Variants in PIEZO2 observed in about 807,000 individuals in gnomAD.
PIEZO2 encodes the protein piezo-type mechanosensitive ion channel component 2.
A neutral mutation model predicts 337.3 loss-of-function variants in PIEZO2; 172 were observed. The ratio of observed to expected loss-of-function variants is 0.51; its 90% CI spans 0.45 to 0.58. PIEZO2 has a LOEUF of 0.58. PIEZO2 is among the 20% of genes least tolerant of loss of function. The pLI is 0.00. For synonymous variants in PIEZO2, 1,251 were observed against 1,228.5 expected (o/e 1.02, Z -0.38); for missense variants, 3,028 against 3,391.3 (o/e 0.89, Z 2.66).
rs748674381 is a variant in PIEZO2 at position 10,705,720 on chromosome 18, T to C, written c.5615A>G (p.Tyr1872Cys). The C allele has an allele frequency of 6.5e-7, 1 of 1,533,806 alleles. No homozygotes were observed. Among genetic ancestry groups the C allele is most frequent in the South Asian group, 1.2e-5 (1 of 83,884 alleles). The change falls in exon 41 of 56, where the codon TAC (tyrosine) becomes TGC (cysteine). Residue 1872 changes from tyrosine (Y) to cysteine (C), a missense_variant. Transcript: ENST00000674853. ...GGTCTCAGTGGTCCCCTGGCGTGAG[T>C]ACAGCATGGTACACTGCGTGGGCTC... is the stretch of plus-strand genomic sequence containing the variant. ...SSEPTQCTML[Y>C]SRQGTTETIE...
rs758308799 is a variant in PIEZO2 at position 11,077,528 on chromosome 18, G to T, written c.65-11306C>A. ...ACACAAAAAAAGAAAAAACTAGCTG[G>T]GCATGGTGGTGCATGCCTATAGTCC... On this transcript the variant is annotated intron_variant, in intron 1 of 55. Coordinates refer to ENST00000674853, the MANE Select transcript of PIEZO2 (RefSeq NM_001378183.1). The surrounding 1 kb of genome is among the most constrained non-coding windows in gnomAD (Gnocchi z 4.8). 1.3e-5 allele frequency among the ~76,000 whole-genome samples: 2 copies of T among 152,102 alleles called. No homozygotes were observed. Among genetic ancestry groups the T allele is most frequent in the Non-Finnish European group, 2.9e-5 (2 of 68,032 alleles).
rs369583562 is a variant in PIEZO2 at position 11,023,029 on chromosome 18, T to G, written c.160+43098A>C. On this transcript the variant is annotated intron_variant, in intron 2 of 55. Coordinates refer to ENST00000674853, the MANE Select transcript of PIEZO2 (RefSeq NM_001378183.1). ...TTGTTCATTCCTCCCAGTGGGTTCG[T>G]GGTCTCGTTGGCTTCAGGAGTGAAG... is the stretch of plus-strand genomic sequence containing the variant. 1.8e-4 allele frequency among the ~76,000 whole-genome samples: 28 copies of G among 152,222 alleles called. No individual in the cohort carries two copies. The South Asian group carries it at 4.2e-3, about 23-fold the overall frequency.
Position 10,994,252 on chromosome 18 carries a change from G to A in PIEZO2, c.161-14592C>T, listed in dbSNP as rs367816779. Among the ~76,000 whole-genome samples, 16 of 152,226 alleles carry A rather than the reference G, an allele frequency of 1.1e-4. No homozygotes were observed. In the South Asian group the frequency reaches 2.5e-3, roughly 24 times the overall value. On this transcript the variant is annotated intron_variant, in intron 2 of 55. Coordinates refer to ENST00000674853, the MANE Select transcript of PIEZO2 (RefSeq NM_001378183.1). ...TTTCTTTATCCACTTGTTAATTGAT[G>A]GACAATTCCCATTTTTGCAATTGCA...
chr18:10,780,217 G>C (rs2144064584), intron 18 of PIEZO2, 108 bp downstream of exon 18: 1 of 676,232 alleles, frequency 1.5e-6, no homozygotes, highest in Non-Finnish European at 2.7e-6. Context: ...CTGAAGACCA[G>C]TGTCCACTAT....
chr18:10,838,124 A>C lies in PIEZO2; in HGVS notation c.917+17229T>G, dbSNP rs533066960. Among the ~76,000 whole-genome samples the C allele has an allele frequency of 7.2e-5, 11 of 152,258 alleles. No homozygotes were observed. The South Asian group carries it at 2.1e-3, about 29-fold the overall frequency. ...ACTGTCTTTAAAGTATCTTTAAGGT[A>C]TCTTTCCAGCAAGTTTCTCTCCATT... On this transcript the variant is annotated intron_variant, in intron 7 of 55. Transcript: ENST00000674853.
intron 4 of PIEZO2, among the ~76,000 whole-genome samples, chr18:10,889,896 CCATCGGGGTCCCACTT>C (rs1417427457): frequency 6.6e-6 from 1 of 152,190 alleles, no homozygotes; most frequent in Non-Finnish European, 1.5e-5. Flanking sequence ...CAGGGGCTCC[CCATCGGGGTCCCACTT>C]TAACTGCTGA....
At chr18:11,042,577 G>A (rs1440042937) in intron 2 of PIEZO2, among the ~76,000 whole-genome samples, 1 of 152,246 alleles carries the variant, frequency 6.6e-6, no homozygotes, top group Non-Finnish European at 1.5e-5. Flanking sequence ...GTGGGAGGCA[G>A]GGTGGAAAGC....
chr18:11,113,156 T>A (rs1208252062), intron 1 of PIEZO2, among the ~76,000 whole-genome samples: 1 of 152,128 alleles, frequency 6.6e-6, no homozygotes, highest in Non-Finnish European at 1.5e-5. Flanking sequence ...AGTTAACATC[T>A]TCTCCCACCC....
rs765849897 is a variant in PIEZO2 at position 10,682,474 on chromosome 18, G to A, written c.7498-182C>T. Among the ~76,000 whole-genome samples the A allele has an allele frequency of 2.0e-5, 3 of 152,198 alleles. No homozygotes were observed. Among genetic ancestry groups the A allele is most frequent in the Admixed American group, 6.5e-5 (1 of 15,282 alleles). On this transcript the variant is annotated intron_variant, in intron 49 of 55. Transcript: ENST00000674853. The surrounding 1 kb of genome is among the most constrained non-coding windows in gnomAD (Gnocchi z 5.6). ...TGTCCCAATCTCGAAATGAAGTTAG[G>A]TAGTGATGTGAAGCTGTCCTGAGGT...
At chr18:11,011,206 C>T (rs1568292595) in intron 2 of PIEZO2, among the ~76,000 whole-genome samples, 1 of 152,092 alleles carries the variant, frequency 6.6e-6, no homozygotes, top group Non-Finnish European at 1.5e-5. Context: ...CTTTTCTTTC[C>T]TTATTCAGTC....
At chr18:11,064,086 A>G (rs1000433982) in intron 2 of PIEZO2, among the ~76,000 whole-genome samples, 1 of 152,154 alleles carries the variant, frequency 6.6e-6, no homozygotes, top group Non-Finnish European at 1.5e-5. Context: ...AAACTTCGGA[A>G]ATTTGTGTTG....
intron 49 of PIEZO2, among the ~76,000 whole-genome samples, chr18:10,684,922 CG>C (rs35932907): frequency 0.3 from 45,003 of 151,910 alleles, 7,293 homozygotes; most frequent in Non-Finnish European, 0.38. Context: ...GACCAGAGTG[CG>C]GTGTCGTGAT....
rs191709305 is a variant in PIEZO2 at position 11,090,794 on chromosome 18, C to A, written c.65-24572G>T. ...GGGCGTGGTGGCGGGCGCCTGTAGT[C>A]CTCAGCTACACGGGAGGCTGAGGCA... is the stretch of plus-strand genomic sequence containing the variant. On this transcript the variant is annotated intron_variant, in intron 1 of 55. Coordinates refer to ENST00000674853, the MANE Select transcript of PIEZO2 (RefSeq NM_001378183.1). Among the ~76,000 whole-genome samples the A allele has an allele frequency of 3.4e-3, 508 of 151,328 alleles. 2 individuals carry two copies. Among genetic ancestry groups the A allele is most frequent in the African/African-American group, 0.012 (477 of 41,208 alleles).
intron 5 of PIEZO2, among the ~76,000 whole-genome samples, chr18:10,865,362 T>C (rs181750388): frequency 4.1e-4 from 63 of 152,316 alleles, no homozygotes; most frequent in African/African-American, 1.3e-3. Context: ...GAAGCTCAAG[T>C]GGGGAGATCC....
At position 10,752,938 on chromosome 18, in the gene PIEZO2, CA is replaced by C. The variant is rs1750211333; in HGVS notation, c.3924-60del. 3 of 1,494,456 alleles carry C rather than the reference CA, an allele frequency of 2.0e-6. No individual in the cohort carries two copies. In the Admixed American group the frequency reaches 6.6e-5, roughly 33 times the overall value. 92.6% of individuals were successfully genotyped at this position (1,494,456 alleles called of 1,614,324 possible). On this transcript the variant is annotated intron_variant, in intron 27 of 55. Coordinates refer to ENST00000674853, the MANE Select transcript of PIEZO2 (RefSeq NM_001378183.1). Reference sequence around the variant, plus strand: ...ACAACAAAACAAACAAAAGCAAAATCAGGAAAGTCTTTAACAAGGGAAGAAA... The same window carrying C: ...ACAACAAAACAAACAAAAGCAAAATCGGAAAGTCTTTAACAAGGGAAGAAA...
intron 52 of PIEZO2, among the ~76,000 whole-genome samples, chr18:10,678,920 G>A (rs546929907): frequency 6.6e-5 from 10 of 151,112 alleles, no homozygotes; most frequent in Admixed American, 2.6e-4. Context: ...TGGGCCTCCA[G>A]AGGCTGCAAT....
chr18:11,089,439 A>G (rs2039004467), intron 1 of PIEZO2, among the ~76,000 whole-genome samples: 1 of 152,184 alleles, frequency 6.6e-6, no homozygotes, highest in South Asian at 2.1e-4. Flanking sequence ...AAGATAAGCA[A>G]CCAAGCAGTG....
intron 31 of PIEZO2, among the ~76,000 whole-genome samples, 183 bp from the exon 32 acceptor site, chr18:10,742,798 T>TTGTGTGCGTG (rs71360262): frequency 3.6e-4 from 42 of 115,622 alleles, no homozygotes; most frequent in African/African-American, 2.0e-3. Context: ...ATATACATAT[T>TTGTGTGCGTG]TGTGTGTGTG....
At chr18:10,787,306 C>A in intron 15 of PIEZO2, 122 bp from the exon 16 acceptor site, 1 of 1,025,324 alleles carries the variant, frequency 9.8e-7, no homozygotes, top group Non-Finnish European at 1.4e-6. Context: ...AAAATAAAGT[C>A]TATTTCATTT....
Sources: gnomAD v4.1 joint callset for allele counts (sites outside exome capture counted in the v4.1 genomes callset) on GRCh38, gnomAD v4.1.1 for gene constraint, Gnocchi (gnomAD v3.1) non-coding constraint, MANE v1.5 for transcripts, NCBI Gene and HGNC (gene_info 2026-07-23, HGNC 2026-07-21) for gene names.